Variants in ABCC5 observed in about 807,000 individuals in gnomAD.
ABCC5 encodes the protein ATP binding cassette subfamily C member 5, also known as ATP-binding cassette sub-family C member 5.
ABCC5 carries 61 observed loss-of-function variants against 160.9 expected under a neutral mutation model. That is an observed-to-expected ratio of 0.38 (90% CI 0.31 to 0.47). ABCC5 has a LOEUF of 0.47. Among genes scored for constraint, ABCC5 ranks in the 20% least tolerant of loss-of-function variants. The pLI is 0.99. For missense variants in ABCC5, 1,308 were observed against 1,813.3 expected (o/e 0.72, Z 5.06); for synonymous variants, 666 against 700.6 (o/e 0.95, Z 0.78).
chr3:183,953,161 G>A lies in ABCC5; in HGVS notation c.2592C>T (p.Ala864=). The A allele has an allele frequency of 6.2e-7, 1 of 1,614,118 alleles. No homozygotes were observed. The highest frequency in any genetic ancestry group is 8.5e-7 in the Non-Finnish European group (1 of 1,180,034). The part of the protein sequence containing the change: ...GGPLAFLVIM[A]LFMLNVGSTA... ...TGCTGCCTACATTCAGCATGAAAAG[G>A]GCCATAATAACCAGGAATGCCAAGG... The change falls in exon 18 of 30, where the codon GCC becomes GCT. Residue 864 remains alanine, a synonymous_variant. Coordinates refer to ENST00000334444, the MANE Select transcript of ABCC5 (RefSeq NM_005688.4).
intron 12 of ABCC5, chr3:183,967,377 T>C (rs4148581): frequency 0.25 from 79,861 of 320,696 alleles, 11,489 homozygotes; most frequent in Middle Eastern, 0.33. Context: ...GCTCATCTCT[T>C]ATCTCTGACA....
At position 183,966,362 on chromosome 3, in the gene ABCC5, T is replaced by C. The variant is rs577638294; in HGVS notation, c.1834-861A>G. On this transcript the variant is annotated intron_variant, in intron 12 of 29. Transcript: ENST00000334444. ...GTCTACTGTGGAAAGCCGGCACTTC[T>C]GGCTGCTGCACAAACACCGCACATT... Among the ~76,000 whole-genome samples, 7 of 152,346 alleles carry C rather than the reference T, an allele frequency of 4.6e-5. No individual in the cohort carries two copies. The South Asian group carries it at 1.5e-3, about 32-fold the overall frequency.
chr3:183,925,006 A>AAGAGTGGAAAATGAAGAAG (rs1712388422), intron 29 of ABCC5, among the ~76,000 whole-genome samples: 2 of 152,188 alleles, frequency 1.3e-5, no homozygotes, highest in Non-Finnish European at 2.9e-5. Context: ...GCACCTGCAA[A>AAGAGTGGAAAATGAAGAAG]GGAAGAGTGG....
At chr3:183,926,597 G>A (rs1158030994) in intron 28 of ABCC5, among the ~76,000 whole-genome samples, 4 of 151,978 alleles carry the variant, frequency 2.6e-5, no homozygotes, top group Admixed American at 6.6e-5. Flanking sequence ...TCAAATACTT[G>A]CCCCTACATG....
At chr3:183,984,773 T>G in intron 5 of ABCC5, 2 of 1,547,088 alleles carry the variant, frequency 1.3e-6, no homozygotes, top group Non-Finnish European at 1.7e-6. Context: ...ATCCAAAATG[T>G]GGAACTGAGT....
intron 17 of ABCC5, among the ~76,000 whole-genome samples, chr3:183,954,697 C>T (rs1377978618): frequency 6.6e-6 from 1 of 152,134 alleles, no homozygotes; most frequent in Non-Finnish European, 1.5e-5. Context: ...TATGAGAATA[C>T]AGAATGTAAA....
chr3:183,959,882 G>C, intron 16 of ABCC5, 47 bp from the exon 17 acceptor site: 3 of 1,346,736 alleles, frequency 2.2e-6, no homozygotes, highest in South Asian at 2.5e-5. Flanking sequence ...TAGCCATCCA[G>C]ATGAATGTCC....
intron 17 of ABCC5, 120 bp downstream of exon 17, chr3:183,959,613 G>A (rs953230899): frequency 1.3e-6 from 1 of 772,910 alleles, no homozygotes; most frequent in Non-Finnish European, 2.0e-6. Flanking sequence ...TTCCAGAAAT[G>A]TAAGACCAAG....
At chr3:183,939,691 T>C (rs994902445) in intron 25 of ABCC5, among the ~76,000 whole-genome samples, 2 of 152,186 alleles carry the variant, frequency 1.3e-5, no homozygotes, top group Non-Finnish European at 2.9e-5. Context: ...TCAAAGGATA[T>C]AAACATTTAA....
intron 24 of ABCC5, among the ~76,000 whole-genome samples, chr3:183,945,153 T>C (rs1383763519): frequency 2.0e-5 from 3 of 152,218 alleles, no homozygotes; most frequent in African/African-American, 7.2e-5. Flanking sequence ...TGTGAGTGAC[T>C]TAAACCTCTT....
In ABCC5 at chr3:183,965,507, G is replaced by A; in HGVS notation, c.1834-6C>T. On this transcript the variant is annotated splice_polypyrimidine_tract_variant and splice_region_variant and intron_variant, in intron 12 of 29. Transcript: ENST00000334444. Reference sequence around the variant, plus strand: ...CTGCCCTCTAGAAGCGTCATCTAGGGAGAGAGACACCATCCAATGGCATCA... The same window carrying A: ...CTGCCCTCTAGAAGCGTCATCTAGGAAGAGAGACACCATCCAATGGCATCA... 2 of 1,613,646 alleles carry A rather than the reference G, an allele frequency of 1.2e-6. No homozygotes were observed. Among genetic ancestry groups the A allele is most frequent in the Non-Finnish European group, 1.7e-6 (2 of 1,179,988 alleles).
chr3:183,954,246 T>G (rs1034809410), intron 17 of ABCC5, among the ~76,000 whole-genome samples: 3 of 152,094 alleles, frequency 2.0e-5, no homozygotes, highest in Non-Finnish European at 4.4e-5. Context: ...CTTCCCGGGT[T>G]CAAGCAATTC....
Position 183,971,864 on chromosome 3 carries a change from T to G in ABCC5, c.1460A>C (p.His487Pro). The G allele has an allele frequency of 1.9e-6, 3 of 1,614,158 alleles. No individual in the cohort carries two copies. In the South Asian group the frequency reaches 3.3e-5, roughly 18 times the overall value. ...HMIKNKPASP[H>P]IKIEMKNATL... The stretch of plus-strand genomic sequence containing the variant: ...GGCATTTTTCATCTCTATCTTGATG[T>G]GAGGACTGGCTGGTTTGTTCTTTAT... Residue 487 changes from histidine (H) to proline (P), a missense_variant, in exon 11 of 30, where the codon CAC (histidine) becomes CCC (proline). Physicochemically the swap from His to Pro is moderately conservative, Grantham distance 77. Transcript: ENST00000334444.
At chr3:183,943,558 T>C (rs962188337) in intron 24 of ABCC5, among the ~76,000 whole-genome samples, 1 of 152,224 alleles carries the variant, frequency 6.6e-6, no homozygotes, top group Admixed American at 6.5e-5. Flanking sequence ...TGGGTAATTT[T>C]TATCATCAAC....
chr3:183,945,275 T>C (rs1210580608), intron 24 of ABCC5, among the ~76,000 whole-genome samples: 1 of 152,216 alleles, frequency 6.6e-6, no homozygotes, highest in Non-Finnish European at 1.5e-5. Context: ...GCAAGATGCC[T>C]GCCACCCACG....
intron 17 of ABCC5, among the ~76,000 whole-genome samples, chr3:183,957,775 CGT>C (rs1716290830): frequency 2.2e-5 from 1 of 44,458 alleles, no homozygotes; most frequent in Non-Finnish European, 4.2e-5. Flanking sequence ...ATCGGTTACA[CGT>C]AAATCCGTGT....
chr3:184,014,183 T>C, intron 2 of ABCC5, 81 bp downstream of exon 2: 1 of 1,407,990 alleles, frequency 7.1e-7, no homozygotes, highest in Middle Eastern at 1.8e-4. Flanking sequence ...AAAAAATAAG[T>C]TTCTAAATTA....
chr3:183,979,001 A>C (rs73046594), intron 8 of ABCC5, among the ~76,000 whole-genome samples: 84 of 152,318 alleles, frequency 5.5e-4, no homozygotes, highest in African/African-American at 1.9e-3. Flanking sequence ...TTTTTGCCTA[A>C]GGAATTAATA....
intron 2 of ABCC5, among the ~76,000 whole-genome samples, chr3:184,002,799 C>T (rs1334950949): frequency 2.0e-5 from 3 of 152,216 alleles, no homozygotes; most frequent in Non-Finnish European, 4.4e-5. Context: ...GGCCGGACAA[C>T]AGCAGGGTAG....
Sources: gnomAD v4.1 joint callset for allele counts (sites outside exome capture counted in the v4.1 genomes callset) on GRCh38, gnomAD v4.1.1 for gene constraint, MANE v1.5 for transcripts, NCBI Gene and HGNC (gene_info 2026-07-23, HGNC 2026-07-21) for gene names.